Variants in SLC5A1 observed in about 807,000 individuals in gnomAD.
The protein encoded by SLC5A1 is sodium/glucose cotransporter 1.
SLC5A1 carries 42 observed loss-of-function variants against 73.5 expected under a neutral mutation model. The ratio of observed to expected loss-of-function variants is 0.57; its 90% CI spans 0.45 to 0.74. The LOEUF is 0.74. Among genes scored for constraint, SLC5A1 ranks in the 30% least tolerant of loss-of-function variants. The pLI, the probability that SLC5A1 is intolerant of heterozygous loss-of-function variation, is 0.00. For missense variants in SLC5A1, 634 were observed against 855.4 expected, an observed-to-expected ratio of 0.74 and a Z score of 3.23; for synonymous variants, 300 against 317.4, an observed-to-expected ratio of 0.95 and a Z score of 0.58.
chr22:32,049,652 C>A (rs2093942672), intron 1 of SLC5A1, among the ~76,000 whole-genome samples: 1 of 151,838 alleles, frequency 6.6e-6, no homozygotes, highest in African/African-American at 2.4e-5. Flanking sequence ...AACAGACAAG[C>A]AAGCAGATCC....
intron 12 of SLC5A1, among the ~76,000 whole-genome samples, chr22:32,101,161 T>C (rs1174821206): frequency 6.6e-6 from 1 of 152,132 alleles, no homozygotes; most frequent in Non-Finnish European, 1.5e-5. Context: ...GGGATACCAA[T>C]GGCTAGCAAA....
chr22:32,044,538 A>T (rs1326704518), intron 1 of SLC5A1, among the ~76,000 whole-genome samples: 1 of 150,960 alleles, frequency 6.6e-6, no homozygotes, highest in African/African-American at 2.4e-5. Flanking sequence ...TTTCCAAAGG[A>T]ATTGTAGAAA....
intron 9 of SLC5A1, 128 bp from the exon 10 acceptor site, chr22:32,086,092 G>C (rs1429330914): frequency 1.5e-6 from 1 of 688,522 alleles, no homozygotes; most frequent in Non-Finnish European, 2.7e-6. Context: ...AGTGAGCCGA[G>C]ATCGTGCCAC....
chr22:32,074,977 A>G (rs1285277198), intron 5 of SLC5A1, among the ~76,000 whole-genome samples: 1 of 151,836 alleles, frequency 6.6e-6, no homozygotes, highest in African/African-American at 2.4e-5. Flanking sequence ...GGTCAATGCA[A>G]CCTTAAACTC....
intron 6 of SLC5A1, 90 bp downstream of exon 6, chr22:32,082,061 C>A: frequency 1.2e-6 from 1 of 865,092 alleles, no homozygotes. Flanking sequence ...GGTGGTTTCT[C>A]TTCTTGAGGA....
At chr22:32,072,423 C>T (rs1311716246) in intron 5 of SLC5A1, among the ~76,000 whole-genome samples, 3 of 152,100 alleles carry the variant, frequency 2.0e-5, no homozygotes, top group South Asian at 2.1e-4. Context: ...CATAGTATTA[C>T]GGTGTATATG....
intron 2 of SLC5A1, among the ~76,000 whole-genome samples, chr22:32,057,278 G>GT (rs1335429317): frequency 6.6e-6 from 1 of 152,130 alleles, no homozygotes; most frequent in African/African-American, 2.4e-5. Flanking sequence ...TCTTTTCATT[G>GT]TTTTTTGAGA....
At position 32,110,114 on chromosome 22, in the gene SLC5A1, G is replaced by A; in HGVS notation, c.1896G>A (p.Met632Ile). Residue 632 changes from methionine to isoleucine, a missense_variant, in exon 15 of 15, where the codon ATG becomes ATA. By Grantham distance (10) the Met-to-Ile change is conservative. Around this residue, in one of 3 missense-constraint regions of SLC5A1, gnomAD observed 161 missense variants for 178.7 expected, o/e 0.90. Coordinates refer to ENST00000266088, the MANE Select transcript of SLC5A1 (RefSeq NM_000343.4). ...AGGAGAAAGCCATGAAGATGAAGATGACGGACACCTCTGAGAAGCCTTTGT... is the reference window on the plus strand; with the variant it reads ...AGGAGAAAGCCATGAAGATGAAGATAACGGACACCTCTGAGAAGCCTTTGT... ...EEEEKAMKMK[M>I]TDTSEKPLWR... 1.2e-6 allele frequency: 2 copies of A among 1,614,176 alleles called. No homozygotes were observed. The highest frequency in any genetic ancestry group is 1.1e-5 in the South Asian group (1 of 91,092).
intron 14 of SLC5A1, among the ~76,000 whole-genome samples, chr22:32,109,614 G>A (rs1211827738): frequency 6.6e-6 from 1 of 152,162 alleles, no homozygotes; most frequent in African/African-American, 2.4e-5. Context: ...ATGAGATTTT[G>A]TGTTTCAGAG....
At position 32,049,103 on chromosome 22, in the gene SLC5A1, T is replaced by A. The variant is rs1490194898; in HGVS notation, c.136-840T>A. Among the ~76,000 whole-genome samples the A allele has an allele frequency of 1.4e-4, 20 of 144,596 alleles. 3 individuals are homozygous for A. Among genetic ancestry groups the A allele is most frequent in the Admixed American group, 1.4e-4 (2 of 14,274 alleles). The allele number at this position is 144,596 out of a possible 152,430, so 94.9% of individuals were successfully genotyped here. Reference sequence around the variant, plus strand: ...AAATAAATAAATAAATATATATATATATATATATAATCATTATATATATAT... The same window carrying A: ...AAATAAATAAATAAATATATATATAAATATATATAATCATTATATATATAT... On this transcript the variant is annotated intron_variant, in intron 1 of 14. Coordinates refer to ENST00000266088, the MANE Select transcript of SLC5A1 (RefSeq NM_000343.4).
In SLC5A1 at chr22:32,112,734, A is replaced by C. The variant is rs975699379; in HGVS notation, c.*2521A>C. 1 of 150,060 alleles carries C rather than the reference A, an allele frequency of 6.7e-6. No homozygotes were observed. The highest frequency in any genetic ancestry group is 2.4e-5 in the African/African-American group (1 of 41,110). 9.3% of individuals were successfully genotyped at this position (150,060 alleles called of 1,614,324 possible). A position where few individuals can be genotyped will look rare whatever the true frequency, so the allele number is the denominator to read the frequency against. ...AATGATGGTTATCAAGGGCTGGGGGAGGGAGGGACTGGGGAGATGTTGGTC... is the reference window on the plus strand; with the variant it reads ...AATGATGGTTATCAAGGGCTGGGGGCGGGAGGGACTGGGGAGATGTTGGTC... On this transcript the variant is annotated 3_prime_UTR_variant, in exon 15 of 15. Coordinates refer to ENST00000266088, the MANE Select transcript of SLC5A1 (RefSeq NM_000343.4).
intron 9 of SLC5A1, among the ~76,000 whole-genome samples, chr22:32,085,356 C>A (rs1460751362): frequency 6.6e-6 from 1 of 151,926 alleles, no homozygotes; most frequent in Non-Finnish European, 1.5e-5. Flanking sequence ...GAACTCCTGG[C>A]CTCAAGTGAT....
intron 5 of SLC5A1, among the ~76,000 whole-genome samples, chr22:32,072,849 G>A (rs1203848745): frequency 3.3e-5 from 5 of 151,980 alleles, no homozygotes; most frequent in African/African-American, 1.2e-4. Flanking sequence ...TTCCTGTCCT[G>A]GCCTACATGA....
intron 9 of SLC5A1, among the ~76,000 whole-genome samples, chr22:32,085,548 T>C (rs1204332892): frequency 9.4e-6 from 1 of 106,828 alleles, no homozygotes; most frequent in Non-Finnish European, 2.3e-5. Flanking sequence ...GTTTCCTCCT[T>C]TTTTTTTTTT....
rs1027787428 is a variant in SLC5A1, at chr22:32,091,076, G to T, written c.1130-536G>T. Among the ~76,000 whole-genome samples, 6 of 151,996 alleles carry T rather than the reference G, an allele frequency of 3.9e-5. No individual in the cohort carries two copies. The South Asian group carries it at 6.2e-4, about 16-fold the overall frequency. On this transcript the variant is annotated intron_variant, in intron 10 of 14. Transcript: ENST00000266088. ...CAGATCCTTTGGCATTTTAAATTGG[G>T]TTGTCATTTTATTATTGAATTTTAG...
rs139774349 is a variant in SLC5A1, at chr22:32,099,261, C to T, written c.1359C>T (p.Phe453=). The change falls in exon 12 of 15, where the codon TTC becomes TTT. Residue 453 remains phenylalanine (F), a synonymous_variant. Transcript: ENST00000266088. The part of the protein sequence containing the change: ...IVQSAQSGQL[F]DYIQSITSYL... ...AGTCAGCACAAAGTGGGCAACTCTT[C>T]GATTACATCCAGTCCATCACCAGTT... is the stretch of plus-strand genomic sequence containing the variant. 255 of 1,613,598 alleles carry T rather than the reference C, an allele frequency of 1.6e-4. 1 individual carries two copies. The African/African-American group carries it at 1.8e-3, about 11-fold the overall frequency.
chr22:32,076,737 GCAA>G (rs1335007214), intron 5 of SLC5A1, among the ~76,000 whole-genome samples: 3 of 152,222 alleles, frequency 2.0e-5, no homozygotes, highest in Admixed American at 6.5e-5. Context: ...AGAATGGACA[GCAA>G]ACACACACAT....
chr22:32,068,682 G>A (rs1260796031), intron 5 of SLC5A1, 82 bp downstream of exon 5: 8 of 959,780 alleles, frequency 8.3e-6, no homozygotes, highest in Non-Finnish European at 1.3e-5. Flanking sequence ...ACCAAGAGGC[G>A]GCTCTATACA....
rs1237132901 is a variant in SLC5A1, at chr22:32,110,170, T to C, written c.1952T>C (p.Ile651Thr). The C allele has an allele frequency of 6.2e-7, 1 of 1,614,186 alleles. No individual in the cohort carries two copies. The highest frequency in any genetic ancestry group is 1.3e-5 in the African/African-American group (1 of 75,054). ...ACAGTGTTGAACGTCAATGGCATCA[T>C]CCTGGTGACCGTGGCTGTCTTTTGC... is the stretch of plus-strand genomic sequence containing the variant. ...WRTVLNVNGI[I>T]LVTVAVFCHA... The change falls in exon 15 of 15, where the codon ATC (isoleucine) becomes ACC (threonine). Residue 651 changes from isoleucine to threonine, a missense_variant. By Grantham distance (89) the Ile-to-Thr change is moderately conservative (BLOSUM62 -1). Transcript: ENST00000266088.
Sources: gnomAD v4.1 joint callset for allele counts (sites outside exome capture counted in the v4.1 genomes callset) on GRCh38, gnomAD v4.1.1 for gene constraint, gnomAD v4.1.1 regional missense constraint, MANE v1.5 for transcripts, NCBI Gene and HGNC (gene_info 2026-07-23, HGNC 2026-07-21) for gene names.